Variants in FEM1B observed in about 807,000 individuals in gnomAD.
FEM1B encodes the protein fem-1 homolog B.
A neutral mutation model predicts 38.6 loss-of-function variants in FEM1B; 10 were observed. The ratio of observed to expected loss-of-function variants is 0.26; its 90% confidence interval spans 0.16 to 0.44. The LOEUF (loss-of-function observed/expected upper bound fraction) is 0.44. FEM1B is among the 20% of genes least tolerant of loss of function. The pLI is 1.00. For synonymous variants in FEM1B, 288 were observed against 288.0 expected (o/e 1.00, Z 0.00); for missense variants, 471 against 786.7 (o/e 0.60, Z 4.80).
In FEM1B at chr15:68,295,732, G is replaced by A. The variant is rs1892899889; in HGVS notation, c.*4490G>A. 1 of 152,178 alleles carries A rather than the reference G, an allele frequency of 6.6e-6. No individual in the cohort carries two copies. Among genetic ancestry groups the A allele is most frequent in the South Asian group, 2.1e-4 (1 of 4,834 alleles). The allele number at this position is 152,178 out of a possible 1,614,324, so 9.4% of individuals were successfully genotyped here. A position where few individuals can be genotyped will look rare whatever the true frequency, so the allele number is the denominator to read the frequency against. On this transcript the variant is annotated 3_prime_UTR_variant, in exon 2 of 2. Transcript: ENST00000306917. ...ATATTGCATGACATTTTCTATTTGA[G>A]TTTGACATGTAGAGTCATTTTTAGT...
In FEM1B at chr15:68,292,605, A is replaced by G. The variant is rs539635279; in HGVS notation, c.*1363A>G. On this transcript the variant is annotated 3_prime_UTR_variant, in exon 2 of 2. Transcript: ENST00000306917. ...TGCCAAATGAATGCCTTAGCTACTC[A>G]TAGTGCATGGTACTGTAAGTGAAGA... 3 of 151,768 alleles carry G rather than the reference A, an allele frequency of 2.0e-5. No homozygotes were observed. Among genetic ancestry groups the G allele is most frequent in the East Asian group, 3.9e-4 (2 of 5,182 alleles). The allele number at this position is 151,768 out of a possible 1,614,324, so 9.4% of individuals were successfully genotyped here.
rs910023491 is a variant in FEM1B at position 68,284,819 on chromosome 15, C to T, written c.249-4788C>T. Among the ~76,000 whole-genome samples the T allele has an allele frequency of 1.1e-4, 17 of 152,146 alleles. No individual in the cohort carries two copies. The highest frequency in any genetic ancestry group is 2.6e-4 in the Admixed American group (4 of 15,270). On this transcript the variant is annotated intron_variant, in intron 1 of 1. Coordinates refer to ENST00000306917, the MANE Select transcript of FEM1B (RefSeq NM_015322.5). This position sits in a 1 kb window ranked among gnomAD's most constrained non-coding sequence, Gnocchi z 4.4. ...CTGAATCATGGAAGCAGGTCTTTCCCGTGCTGTTCTCTTGATAGTAAGTGT... is the reference window on the plus strand; with the variant it reads ...CTGAATCATGGAAGCAGGTCTTTCCTGTGCTGTTCTCTTGATAGTAAGTGT...
intron 1 of FEM1B, among the ~76,000 whole-genome samples, chr15:68,279,146 T>C (rs557098299): frequency 6.4e-4 from 97 of 152,334 alleles, no homozygotes; most frequent in African/African-American, 2.2e-3. Flanking sequence ...TGGGCTTTAA[T>C]GTCAAAATAA....
At position 68,278,931 on chromosome 15, in the gene FEM1B, G is replaced by C. The variant is rs935575494; in HGVS notation, c.248+266G>C. Among the ~76,000 whole-genome samples the C allele has an allele frequency of 6.6e-6, 1 of 151,904 alleles. No homozygotes were observed. ...CCCTCGGCCTTGAAATCTAATAGTC[G>C]TCTTCTCTACTAGATAGTCTGTGAA... is the stretch of plus-strand genomic sequence containing the variant. On this transcript the variant is annotated intron_variant, in intron 1 of 1. Transcript: ENST00000306917. This position sits in a 1 kb window ranked among gnomAD's most constrained non-coding sequence, Gnocchi z 5.7.
Position 68,294,572 on chromosome 15 carries a change from A to G in FEM1B, c.*3330A>G, listed in dbSNP as rs1263212612. ...TTTATGAATAAGACCACTTTGGGTT[A>G]TTTAAGCAGAAGCGTTTCTTTTTTT... On this transcript the variant is annotated 3_prime_UTR_variant, in exon 2 of 2. Transcript: ENST00000306917. This position sits in a 1 kb window ranked among gnomAD's most constrained non-coding sequence, Gnocchi z 4.4. The G allele has an allele frequency of 1.3e-5, 2 of 151,890 alleles. No homozygotes were observed. Among genetic ancestry groups the G allele is most frequent in the African/African-American group, 2.4e-5 (1 of 41,318 alleles). The allele number at this position is 151,890 out of a possible 1,614,324, so 9.4% of individuals were successfully genotyped here.
chr15:68,293,809 T>G lies in FEM1B; in HGVS notation c.*2567T>G, dbSNP rs1014356386. 2 of 152,064 alleles carry G rather than the reference T, an allele frequency of 1.3e-5. No individual in the cohort carries two copies. Among genetic ancestry groups the G allele is most frequent in the East Asian group, 3.8e-4 (2 of 5,206 alleles). 9.4% of individuals were successfully genotyped at this position (152,064 alleles called of 1,614,324 possible). On this transcript the variant is annotated 3_prime_UTR_variant, in exon 2 of 2. Transcript: ENST00000306917. The surrounding 1 kb of genome is among the most constrained non-coding windows in gnomAD (Gnocchi z 5.8). ...CAGACCCTTCCCCAACTTAATTTTT[T>G]TTTAAAAAAGGAAAATAGGTAAGAA...
chr15:68,278,441 A>G lies in FEM1B; in HGVS notation c.24A>G (p.Val8=), dbSNP rs757540393. 1.3e-5 allele frequency: 21 copies of G among 1,612,964 alleles called. No homozygotes were observed. In the South Asian group the frequency reaches 2.1e-4, roughly 16 times the overall value. Residue 8 remains valine, a synonymous_variant, in exon 1 of 2, where the codon GTA becomes GTG. Coordinates refer to ENST00000306917, the MANE Select transcript of FEM1B (RefSeq NM_015322.5). The surrounding 1 kb of genome is among the most constrained non-coding windows in gnomAD (Gnocchi z 5.7). The stretch of plus-strand genomic sequence containing the variant: ...CCATGGAGGGCCTGGCTGGCTATGT[A>G]TACAAGGCGGCCAGCGAGGGCAAGG... MEGLAGY[V]YKAASEGKVL...
Position 68,293,822 on chromosome 15 carries a change from A to G in FEM1B, c.*2580A>G, listed in dbSNP as rs1892873631. 6.6e-6 allele frequency: 1 copy of G among 152,156 alleles called. No homozygotes were observed. The highest frequency in any genetic ancestry group is 1.5e-5 in the Non-Finnish European group (1 of 68,022). 9.4% of individuals were successfully genotyped at this position (152,156 alleles called of 1,614,324 possible). On this transcript the variant is annotated 3_prime_UTR_variant, in exon 2 of 2. Transcript: ENST00000306917. The surrounding 1 kb of genome is among the most constrained non-coding windows in gnomAD (Gnocchi z 5.8). ...AACTTAATTTTTTTTTAAAAAAGGA[A>G]AATAGGTAAGAAAATGATAGTTCTA...
chr15:68,278,869 C>T lies in FEM1B; in HGVS notation c.248+204C>T, dbSNP rs570358613. 3.3e-4 allele frequency among the ~76,000 whole-genome samples: 50 copies of T among 152,242 alleles called. No individual in the cohort carries two copies. Among genetic ancestry groups the T allele is most frequent in the Non-Finnish European group, 5.6e-4 (38 of 68,012 alleles). On this transcript the variant is annotated intron_variant, in intron 1 of 1. Transcript: ENST00000306917. The surrounding 1 kb of genome is among the most constrained non-coding windows in gnomAD (Gnocchi z 5.7). Reference sequence around the variant, plus strand: ...TGTTTTGCTGCCCGTCCTCATCAGCCCCTACCCCTCATTCCCTCTGTGGGA... The same window carrying T: ...TGTTTTGCTGCCCGTCCTCATCAGCTCCTACCCCTCATTCCCTCTGTGGGA...
intron 1 of FEM1B, among the ~76,000 whole-genome samples, chr15:68,283,128 A>T (rs1001869358): frequency 2.6e-5 from 4 of 152,202 alleles, no homozygotes; most frequent in African/African-American, 9.6e-5. Flanking sequence ...AGTTTCCATT[A>T]TAAAAACCAA....
In FEM1B at chr15:68,295,849, A is replaced by ATGTT. The variant is rs1173938969; in HGVS notation, c.*4610_*4613dup. ...AAAAAATGGTGTTTGTGTTCAGTAAATGTTTGAAAAAAACTACTTTGAGGT... is the reference window on the plus strand; with the variant it reads ...AAAAAATGGTGTTTGTGTTCAGTAAATGTTTGTTTGAAAAAAACTACTTTGAGGT... On this transcript the variant is annotated 3_prime_UTR_variant, in exon 2 of 2. Coordinates refer to ENST00000306917, the MANE Select transcript of FEM1B (RefSeq NM_015322.5). 2.6e-5 allele frequency: 4 copies of ATGTT among 152,176 alleles called. No individual in the cohort carries two copies. Among genetic ancestry groups the ATGTT allele is most frequent in the East Asian group, 1.9e-4 (1 of 5,200 alleles). The allele number at this position is 152,176 out of a possible 1,614,324, so 9.4% of individuals were successfully genotyped here.
chr15:68,286,220 T>G (rs963252051), intron 1 of FEM1B, among the ~76,000 whole-genome samples: 4 of 151,694 alleles, frequency 2.6e-5, no homozygotes, highest in Non-Finnish European at 4.4e-5. Context: ...TTCTGGAGTT[T>G]TTTTTTTTTT....
At position 68,291,187 on chromosome 15, in the gene FEM1B, T is replaced by TTAAC. The variant is rs1161979203; in HGVS notation, c.1832_1835dup (p.Tyr612Ter). The TTAAC allele has an allele frequency of 6.2e-7, 1 of 1,613,478 alleles. No homozygotes were observed. Among genetic ancestry groups the TTAAC allele is most frequent in the East Asian group, 2.2e-5 (1 of 44,902 alleles). Reference sequence around the variant, plus strand: ...GCCCGAGCAGTTCGGGCTAATGACATTAACTACCAAGACCAGATCCCCAGA... The same window carrying TTAAC: ...GCCCGAGCAGTTCGGGCTAATGACATTAACTAACTACCAAGACCAGATCCCCAGA... On this transcript the variant is annotated frameshift_variant, in exon 2 of 2. Transcript: ENST00000306917. LOFTEE classifies it high-confidence loss of function. This position sits in a 1 kb window ranked among gnomAD's most constrained non-coding sequence, Gnocchi z 6.9.
rs1339008596 is a variant in FEM1B at position 68,290,626 on chromosome 15, A to G, written c.1268A>G (p.Asn423Ser). The change falls in exon 2 of 2, where the codon AAC becomes AGC. Residue 423 changes from asparagine to serine, a missense_variant. Coordinates refer to ENST00000306917, the MANE Select transcript of FEM1B (RefSeq NM_015322.5). This position sits in a 1 kb window ranked among gnomAD's most constrained non-coding sequence, Gnocchi z 9.7. ...CSVLEIEQSM[N>S]RVKNISDADV... ...GTTTTGGAAATAGAACAAAGTATGA[A>G]CAGAGTGAAAAATATTTCAGATGCT... The G allele has an allele frequency of 1.9e-6, 3 of 1,614,084 alleles. No individual in the cohort carries two copies. The highest frequency in any genetic ancestry group is 2.5e-6 in the Non-Finnish European group (3 of 1,180,014).
chr15:68,291,291 C>A lies in FEM1B; in HGVS notation c.*49C>A. 1 of 1,359,492 alleles carries A rather than the reference C, an allele frequency of 7.4e-7. No individual in the cohort carries two copies. The highest frequency in any genetic ancestry group is 1.0e-6 in the Non-Finnish European group (1 of 990,098). 84.2% of individuals were successfully genotyped at this position (1,359,492 alleles called of 1,614,324 possible). On this transcript the variant is annotated 3_prime_UTR_variant, in exon 2 of 2. Coordinates refer to ENST00000306917, the MANE Select transcript of FEM1B (RefSeq NM_015322.5). The surrounding 1 kb of genome is among the most constrained non-coding windows in gnomAD (Gnocchi z 6.9). Reference sequence around the variant, plus strand: ...TAATGTGGTGCTAAAAAGTAAAGGACTTTTAATCACAGACAGTAGAATTAT... The same window carrying A: ...TAATGTGGTGCTAAAAAGTAAAGGAATTTTAATCACAGACAGTAGAATTAT...
Position 68,293,812 on chromosome 15 carries a change from TA to T in FEM1B, c.*2576del, listed in dbSNP as rs555314964. The T allele has an allele frequency of 6.6e-6, 1 of 152,032 alleles. No individual in the cohort carries two copies. Among genetic ancestry groups the T allele is most frequent in the African/African-American group, 2.4e-5 (1 of 41,382 alleles). The allele number at this position is 152,032 out of a possible 1,614,324, so 9.4% of individuals were successfully genotyped here. A position where few individuals can be genotyped will look rare whatever the true frequency, so the allele number is the denominator to read the frequency against. ...ACCCTTCCCCAACTTAATTTTTTTT[TA>T]AAAAAGGAAAATAGGTAAGAAAATG... is the stretch of plus-strand genomic sequence containing the variant. On this transcript the variant is annotated 3_prime_UTR_variant, in exon 2 of 2. Transcript: ENST00000306917. The surrounding 1 kb of genome is among the most constrained non-coding windows in gnomAD (Gnocchi z 5.8).
chr15:68,288,386 C>T lies in FEM1B; in HGVS notation c.249-1221C>T, dbSNP rs1218772590. Among the ~76,000 whole-genome samples, 1 of 151,720 alleles carries T rather than the reference C, an allele frequency of 6.6e-6. No individual in the cohort carries two copies. The highest frequency in any genetic ancestry group is 2.1e-4 in the South Asian group (1 of 4,830). On this transcript the variant is annotated intron_variant, in intron 1 of 1. Transcript: ENST00000306917. The surrounding 1 kb of genome is among the most constrained non-coding windows in gnomAD (Gnocchi z 4.6). The stretch of plus-strand genomic sequence containing the variant: ...GGTTTTTGGTGTGTATATTTAATTG[C>T]CCTAGTGAATATTCCTTTGATCAAC...
chr15:68,290,202 G>A lies in FEM1B; in HGVS notation c.844G>A (p.Glu282Lys). The A allele has an allele frequency of 6.2e-7, 1 of 1,614,036 alleles. No individual in the cohort carries two copies. Among genetic ancestry groups the A allele is most frequent in the Non-Finnish European group, 8.5e-7 (1 of 1,179,996 alleles). ...TYHYLYLAML[E>K]RFQDGDNILE... ...CCACTATCTATATTTAGCCATGTTAGAGAGGTTCCAAGATGGTGATAACAT... is the reference window on the plus strand; with the variant it reads ...CCACTATCTATATTTAGCCATGTTAAAGAGGTTCCAAGATGGTGATAACAT... Residue 282 changes from glutamate (E) to lysine (K), a missense_variant, in exon 2 of 2, where the codon GAG becomes AAG. This residue lies in a region of FEM1B where 380 missense variants were observed against 599.6 expected (regional missense o/e 0.63). Transcript: ENST00000306917. This position sits in a 1 kb window ranked among gnomAD's most constrained non-coding sequence, Gnocchi z 9.7.
Position 68,281,369 on chromosome 15 carries a change from T to C in FEM1B, c.248+2704T>C, listed in dbSNP as rs1892724401. Among the ~76,000 whole-genome samples the C allele has an allele frequency of 6.6e-6, 1 of 152,256 alleles. No individual in the cohort carries two copies. The highest frequency in any genetic ancestry group is 1.5e-5 in the Non-Finnish European group (1 of 68,044). ...AATATCTTTTCTTTAAATTGTCTGT[T>C]ATTTGCTTGATAGTTGTCTTCAGAA... On this transcript the variant is annotated intron_variant, in intron 1 of 1. Transcript: ENST00000306917. The surrounding 1 kb of genome is among the most constrained non-coding windows in gnomAD (Gnocchi z 5.1).
Sources: gnomAD v4.1 joint callset for allele counts (sites outside exome capture counted in the v4.1 genomes callset) on GRCh38, gnomAD v4.1.1 for gene constraint, gnomAD v4.1.1 regional missense constraint, Gnocchi (gnomAD v3.1) non-coding constraint, MANE v1.5 for transcripts, NCBI Gene and HGNC (gene_info 2026-07-23, HGNC 2026-07-21) for gene names.